ANKRD30BL: variants seen among roughly 807,000 people sequenced by gnomAD.
ANKRD30BL encodes the protein putative ankyrin repeat domain-containing protein 30B-like.
In ANKRD30BL, 20 loss-of-function variants were observed where a neutral mutation model predicts 18.4. That is an observed-to-expected ratio of 1.09 (90% CI 0.77 to 1.58). The LOEUF (loss-of-function observed/expected upper bound fraction) is 1.58. ANKRD30BL is among the 40% of genes most tolerant of loss of function. The pLI, the probability that ANKRD30BL is intolerant of heterozygous loss-of-function variation, is 0.00. For synonymous variants in ANKRD30BL, 72 were observed against 100.9 expected (o/e 0.71, Z 1.72); for missense variants, 224 against 268.6 (o/e 0.83, Z 1.16).
rs1455674160 is a variant in ANKRD30BL, at chr2:132,157,115, T to C, written c.365A>G (p.Asn122Ser). The stretch of plus-strand genomic sequence containing the variant: ...ATCAGCACCAGAATCTATGAGAATA[T>C]TTGCACAAGCCTCCCTCTGGCATTG... ...ALQCQREACANILIDSGADPN... is the reference protein window; with the variant it reads ...ALQCQREACASILIDSGADPN... Residue 122 changes from asparagine (N) to serine (S), a missense_variant, in exon 3 of 6, where the codon AAT becomes AGT. Physicochemically the swap from Asn to Ser is conservative, Grantham distance 46. Around this residue, in one of 3 missense-constraint regions of ANKRD30BL, gnomAD observed 30 missense variants for 77.5 expected, o/e 0.39. Transcript: ENST00000409867. The C allele has an allele frequency of 6.9e-7, 1 of 1,447,926 alleles. No homozygotes were observed. The highest frequency in any genetic ancestry group is 9.5e-7 in the Non-Finnish European group (1 of 1,056,752). The allele number at this position is 1,447,926 out of a possible 1,614,324, so 89.7% of individuals were successfully genotyped here. A position where few individuals can be genotyped will look rare whatever the true frequency, so the allele number is the denominator to read the frequency against.
upstream of ANKRD30BL, among the ~76,000 whole-genome samples, chr2:132,162,720 G>C (rs55908164): frequency 0.14 from 20,520 of 151,840 alleles, 873 homozygotes; most frequent in Admixed American, 0.22. Flanking sequence ...GAGGGTAGCC[G>C]TGTGGCACAC....
intron 1 of ANKRD30BL, among the ~76,000 whole-genome samples, chr2:132,158,207 G>A (rs536993482): frequency 6.6e-6 from 1 of 152,104 alleles, no homozygotes; most frequent in South Asian, 2.1e-4. Flanking sequence ...CTATACAAAA[G>A]GAGAGTTGAA....
In ANKRD30BL at chr2:132,157,732, A is replaced by G. The variant is rs543255069; in HGVS notation, c.219-309T>C. The stretch of plus-strand genomic sequence containing the variant: ...TCTGCCTCAATTTTCTCATCAATAA[A>G]GTGAAGATGAATACAGTAGTTATCT... On this transcript the variant is annotated intron_variant, in intron 1 of 5. Transcript: ENST00000409867. 9.8e-4 allele frequency among the ~76,000 whole-genome samples: 150 copies of G among 152,298 alleles called. 1 individual carries two copies. The highest frequency in any genetic ancestry group is 3.5e-3 in the African/African-American group (147 of 41,576).
chr2:132,222,070 G>A (rs547921143), intron 1 of ANKRD30BL, among the ~76,000 whole-genome samples: 35 of 137,382 alleles, frequency 2.5e-4, no homozygotes, highest in African/African-American at 9.5e-4. Context: ...CAGCCGCCCC[G>A]TCCGGGAGGG....
intron 1 of ANKRD30BL, among the ~76,000 whole-genome samples, chr2:132,212,146 G>A (rs1253103069): frequency 2.0e-5 from 3 of 150,138 alleles, no homozygotes; most frequent in African/African-American, 7.6e-5. Context: ...ATCTCACAGT[G>A]TTGAACATTT....
intron 3 of ANKRD30BL, chr2:132,155,986 A>G (rs1244955274): frequency 6.6e-6 from 1 of 152,020 alleles, no homozygotes; most frequent in Non-Finnish European, 1.5e-5. Flanking sequence ...ATCCTAATGC[A>G]TATCTACTTC....
At chr2:132,213,986 A>G (rs4630814) in intron 1 of ANKRD30BL, among the ~76,000 whole-genome samples, 21 of 119,408 alleles carry the variant, frequency 1.8e-4, no homozygotes, top group African/African-American at 6.6e-4. Context: ...AACGAAATAT[A>G]TTCACTTAAA....
At chr2:132,212,169 G>T (rs1679374051) in intron 1 of ANKRD30BL, among the ~76,000 whole-genome samples, 1 of 151,358 alleles carries the variant, frequency 6.6e-6, no homozygotes, top group Admixed American at 6.6e-5. Flanking sequence ...TTTTTATTTA[G>T]CTGCTTTCAA....
intron 1 of ANKRD30BL, among the ~76,000 whole-genome samples, chr2:132,210,692 T>G (rs1324893209): frequency 2.0e-5 from 3 of 151,762 alleles, no homozygotes; most frequent in Admixed American, 6.6e-5. Flanking sequence ...TCAAGACCTA[T>G]GGTGGAAACT....
chr2:132,229,185 A>T (rs1679934563), intron 1 of ANKRD30BL, among the ~76,000 whole-genome samples: 1 of 151,484 alleles, frequency 6.6e-6, no homozygotes, highest in South Asian at 2.1e-4. Flanking sequence ...AGATTTGACC[A>T]TTCCTTTGAA....
intron 1 of ANKRD30BL, among the ~76,000 whole-genome samples, chr2:132,216,236 C>T (rs916821534): frequency 2.0e-5 from 3 of 151,908 alleles, no homozygotes; most frequent in African/African-American, 7.3e-5. Flanking sequence ...GTGATGTGTG[C>T]ATTCATCTCA....
chr2:132,173,266 C>T (rs1258081198), intron 1 of ANKRD30BL, among the ~76,000 whole-genome samples: 4 of 150,304 alleles, frequency 2.7e-5, no homozygotes, highest in African/African-American at 9.8e-5. Flanking sequence ...TCCAGTTTTC[C>T]CAGTACTATT....
chr2:132,154,582 A>G, intron 4 of ANKRD30BL, 80 bp downstream of exon 4: 1 of 526,202 alleles, frequency 1.9e-6, no homozygotes, highest in Non-Finnish European at 3.4e-6. Context: ...AGTAAATGTT[A>G]CTAATTTAAT....
chr2:132,176,658 G>T (rs1211051473), intron 1 of ANKRD30BL, among the ~76,000 whole-genome samples: 3 of 152,138 alleles, frequency 2.0e-5, no homozygotes, highest in Admixed American at 1.3e-4. Context: ...TGTGTGGCTG[G>T]TGCCTGCCTG....
intron 1 of ANKRD30BL, among the ~76,000 whole-genome samples, chr2:132,191,906 T>G (rs1432615815): frequency 6.6e-6 from 1 of 152,016 alleles, no homozygotes; most frequent in African/African-American, 2.4e-5. Context: ...CACGCCTGGC[T>G]AATTTTTTTG....
chr2:132,148,574 TAGTC>T, intron 5 of ANKRD30BL, among the ~76,000 whole-genome samples: 1 of 151,966 alleles, frequency 6.6e-6, no homozygotes, highest in African/African-American at 2.4e-5. Flanking sequence ...TTCACCATGT[TAGTC>T]AGGGTGGTCC....
rs551150840 is a variant in ANKRD30BL at position 132,210,955 on chromosome 2, C to T, written n.441+46574G>A. Among the ~76,000 whole-genome samples, 254 of 121,634 alleles carry T rather than the reference C, an allele frequency of 2.1e-3. 1 individual carries two copies. Among genetic ancestry groups the T allele is most frequent in the African/African-American group, 7.0e-3 (241 of 34,592 alleles). 79.8% of individuals were successfully genotyped at this position (121,634 alleles called of 152,430 possible). On this transcript the variant is annotated intron_variant and non_coding_transcript_variant, in intron 1 of 4. Transcript: ENST00000470729. ...TGTGCATTCATCTCACAGAGTTGAA[C>T]CTTTCTTTTGATTGAGAAGTTTTGA...
intron 1 of ANKRD30BL, among the ~76,000 whole-genome samples, chr2:132,209,018 A>G (rs184286932): frequency 1.3e-5 from 2 of 152,208 alleles, no homozygotes; most frequent in East Asian, 3.9e-4. Flanking sequence ...TTCACATCAA[A>G]ACCAGACAGA....
chr2:132,161,689 G>C lies in ANKRD30BL; in HGVS notation c.17C>G (p.Ala6Gly). Residue 6 changes from alanine to glycine, a missense_variant, in exon 1 of 6, where the codon GCC becomes GGC. Physicochemically the swap from Ala to Gly is moderately conservative, Grantham distance 60. Coordinates refer to ENST00000409867, the MANE Select transcript of ANKRD30BL (RefSeq NM_001358416.1). The stretch of plus-strand genomic sequence containing the variant: ...GCCCGTCTGGCCCTTGACAGGGGCG[G>C]CAGAGAGCCTCTCCATGGCTGCAGC... MERLS[A>G]APVKGQTGPE... 1 of 1,444,558 alleles carries C rather than the reference G, an allele frequency of 6.9e-7. No individual in the cohort carries two copies. Among genetic ancestry groups the C allele is most frequent in the East Asian group, 2.5e-5 (1 of 40,362 alleles). 89.5% of individuals were successfully genotyped at this position (1,444,558 alleles called of 1,614,324 possible).
Sources: allele counts gnomAD v4.1 joint callset (sites outside exome capture counted in the v4.1 genomes callset), GRCh38; gene constraint gnomAD v4.1.1; regional missense constraint gnomAD v4.1.1; transcripts MANE v1.5; gene names NCBI Gene and HGNC (gene_info 2026-07-23, HGNC 2026-07-21).